The following SEMA6B variants were observed in gnomAD, a reference collection of about 807,000 sequenced individuals.
SEMA6B encodes semaphorin 6B.
Under a neutral mutation model 78.6 loss-of-function variants are expected in SEMA6B, and 47 were observed. The observed-to-expected ratio is 0.60, with a 90% CI of 0.47 to 0.76. The LOEUF is 0.76. SEMA6B is among the 30% of genes least tolerant of loss of function. The pLI, the probability that SEMA6B is intolerant of heterozygous loss-of-function variation, is 0.00. For missense variants in SEMA6B, 1,213 were observed against 1,269.9 expected, an observed-to-expected ratio of 0.96 and a Z score of 0.68; for synonymous variants, 632 against 592.2, an observed-to-expected ratio of 1.07 and a Z score of -0.98.
chr19:4,544,965 T>C lies in SEMA6B; in HGVS notation c.1739-436A>G, dbSNP rs1977128185. Among the ~76,000 whole-genome samples the C allele has an allele frequency of 6.6e-6, 1 of 151,858 alleles. No individual in the cohort carries two copies. The highest frequency in any genetic ancestry group is 2.1e-4 in the South Asian group (1 of 4,810). ...ATTATTTTTTAATTTTTTTTGTTTGTTTGTTTTGAGACAGTCCCCCAGGCT... is the reference window on the plus strand; with the variant it reads ...ATTATTTTTTAATTTTTTTTGTTTGCTTGTTTTGAGACAGTCCCCCAGGCT... On this transcript the variant is annotated intron_variant, in intron 16 of 16. Transcript: ENST00000586582. The surrounding 1 kb of genome is among the most constrained non-coding windows in gnomAD (Gnocchi z 5.1).
chr19:4,556,940 G>GGCCA lies in SEMA6B; in HGVS notation c.369+7_369+10dup, dbSNP rs1440300944. On this transcript the variant is annotated intron_variant, in intron 5 of 16. Coordinates refer to ENST00000586582, the MANE Select transcript of SEMA6B (RefSeq NM_032108.4). ...TTCGCAGGGGCCGGGACCGAGCCAG[G>GGCCA]GCCAACTCACCTCCTGTTTGCCCTT... 3 of 1,611,594 alleles carry GGCCA rather than the reference G, an allele frequency of 1.9e-6. No homozygotes were observed. The highest frequency in any genetic ancestry group is 2.5e-6 in the Non-Finnish European group (3 of 1,178,832).
At chr19:4,557,613 A>G (rs1033451131) in intron 3 of SEMA6B, among the ~76,000 whole-genome samples, 1 of 152,062 alleles carries the variant, frequency 6.6e-6, no homozygotes, top group African/African-American at 2.4e-5. Context: ...CATCCTCTCC[A>G]AAGCATTTGA....
Position 4,555,653 on chromosome 19 carries a change from C to T in SEMA6B, c.472-89G>A, listed in dbSNP as rs1273098551. The T allele has an allele frequency of 2.9e-6, 3 of 1,034,168 alleles. No homozygotes were observed. Among genetic ancestry groups the T allele is most frequent in the Non-Finnish European group, 4.4e-6 (3 of 687,438 alleles). The allele number at this position is 1,034,168 out of a possible 1,614,324, so 64.1% of individuals were successfully genotyped here. A position where few individuals can be genotyped will look rare whatever the true frequency, so the allele number is the denominator to read the frequency against. Reference sequence around the variant, plus strand: ...TCAGCCCCCCACTCCAGGGGGAATCCTGATCCACCACGGATTACTGTGTGA... The same window carrying T: ...TCAGCCCCCCACTCCAGGGGGAATCTTGATCCACCACGGATTACTGTGTGA... On this transcript the variant is annotated intron_variant, in intron 6 of 16. Transcript: ENST00000586582. This position sits in a 1 kb window ranked among gnomAD's most constrained non-coding sequence, Gnocchi z 6.1.
At position 4,558,092 on chromosome 19, in the gene SEMA6B, T is replaced by C; in HGVS notation, c.179A>G (p.Glu60Gly). ...GSGPGRLTPA[E>G]GADDLNIQRV... ...CTGGATGTTGAGGTCGTCAGCACCT[T>C]CTGCGGGGGTCAGGCGTCCGGGCCC... is the stretch of plus-strand genomic sequence containing the variant. The change falls in exon 3 of 17, where the codon GAA becomes GGA. Residue 60 changes from glutamate to glycine, a missense_variant. Physicochemically the swap from Glu to Gly is moderately conservative, Grantham distance 98 (BLOSUM62 -2). Coordinates refer to ENST00000586582, the MANE Select transcript of SEMA6B (RefSeq NM_032108.4). This position sits in a 1 kb window ranked among gnomAD's most constrained non-coding sequence, Gnocchi z 5.1. 6.5e-7 allele frequency: 1 copy of C among 1,533,348 alleles called. No individual in the cohort carries two copies. Among genetic ancestry groups the C allele is most frequent in the Non-Finnish European group, 8.8e-7 (1 of 1,132,768 alleles). 95.0% of individuals were successfully genotyped at this position (1,533,348 alleles called of 1,614,324 possible). A position where few individuals can be genotyped will look rare whatever the true frequency, so the allele number is the denominator to read the frequency against.
At chr19:4,545,108 C>G (rs893401256) in intron 16 of SEMA6B, among the ~76,000 whole-genome samples, 1 of 151,812 alleles carries the variant, frequency 6.6e-6, no homozygotes, top group African/African-American at 2.4e-5. Flanking sequence ...TTTTGTGAGG[C>G]TGAGGCAGGA....
chr19:4,555,530 C>T lies in SEMA6B; in HGVS notation c.506G>A (p.Ser169Asn). The T allele has an allele frequency of 1.2e-6, 2 of 1,613,790 alleles. No individual in the cohort carries two copies. Among genetic ancestry groups the T allele is most frequent in the Non-Finnish European group, 1.7e-6 (2 of 1,179,912 alleles). The change falls in exon 7 of 17, where the codon AGC becomes AAC. Residue 169 changes from serine to asparagine, a missense_variant. Ser to Asn is a conservative substitution (Grantham distance 46). Coordinates refer to ENST00000586582, the MANE Select transcript of SEMA6B (RefSeq NM_032108.4). This position sits in a 1 kb window ranked among gnomAD's most constrained non-coding sequence, Gnocchi z 6.1. ...DTLQPVGDNI[S>N]GMARCPYDPK... The stretch of plus-strand genomic sequence containing the variant: ...GTCGTACGGGCAGCGGGCCATACCG[C>T]TGATGTTGTCTCCGACGGGCTGCAG...
chr19:4,546,168 C>T (rs762654297), intron 16 of SEMA6B, 48 bp downstream of exon 16: 7 of 1,542,418 alleles, frequency 4.5e-6, no homozygotes, highest in Admixed American at 3.8e-5. Context: ...TCCCCTCCCC[C>T]ATGGTAGTGG....
At position 4,555,251 on chromosome 19, in the gene SEMA6B, C is replaced by G. The variant is rs976254630; in HGVS notation, c.563-156G>C. On this transcript the variant is annotated intron_variant, in intron 7 of 16. Coordinates refer to ENST00000586582, the MANE Select transcript of SEMA6B (RefSeq NM_032108.4). This position sits in a 1 kb window ranked among gnomAD's most constrained non-coding sequence, Gnocchi z 6.1. Reference sequence around the variant, plus strand: ...GATCCCATCCAAGCCCCACCTCCATCCAAGCCCTGACCTTAACTGAGCCCC... The same window carrying G: ...GATCCCATCCAAGCCCCACCTCCATGCAAGCCCTGACCTTAACTGAGCCCC... 1.3e-5 allele frequency among the ~76,000 whole-genome samples: 2 copies of G among 152,152 alleles called. No individual in the cohort carries two copies. Among genetic ancestry groups the G allele is most frequent in the Non-Finnish European group, 2.9e-5 (2 of 68,018 alleles).
intron 14 of SEMA6B, among the ~76,000 whole-genome samples, chr19:4,547,012 T>C (rs960702696): frequency 2.0e-5 from 3 of 151,784 alleles, no homozygotes; most frequent in African/African-American, 2.4e-5. Flanking sequence ...CAGGCTGGAG[T>C]ACAGTGTCAT....
In SEMA6B at chr19:4,544,507, G is replaced by A. The variant is rs755550248; in HGVS notation, c.1761C>T (p.Ser587=). The A allele has an allele frequency of 1.2e-5, 19 of 1,558,068 alleles. No homozygotes were observed. Among genetic ancestry groups the A allele is most frequent in the Non-Finnish European group, 1.4e-5 (16 of 1,151,216 alleles). ...DCTGLLRASL[S]EDRAGLVSVN... is the part of the protein sequence containing the mutation. ...CCGACACCAGCCCCGCGCGGTCCTC[G>A]GAGAGGCTGGCCCGCAGGAGTCCTG... Residue 587 remains serine (S), a synonymous_variant, in exon 17 of 17, where the codon TCC becomes TCT. Transcript: ENST00000586582. This position sits in a 1 kb window ranked among gnomAD's most constrained non-coding sequence, Gnocchi z 5.1.
chr19:4,547,608 C>A (rs1977203142), intron 14 of SEMA6B, among the ~76,000 whole-genome samples: 1 of 152,176 alleles, frequency 6.6e-6, no homozygotes, highest in East Asian at 1.9e-4. Context: ...GGTTCTCCTT[C>A]CCCTGCAGTC....
Position 4,552,814 on chromosome 19 carries a change from G to T in SEMA6B, c.772-175C>A, listed in dbSNP as rs957547596. Among the ~76,000 whole-genome samples, 1 of 152,172 alleles carries T rather than the reference G, an allele frequency of 6.6e-6. No homozygotes were observed. Among genetic ancestry groups the T allele is most frequent in the Non-Finnish European group, 1.5e-5 (1 of 68,034 alleles). The stretch of plus-strand genomic sequence containing the variant: ...ACCGGCTTCCCTGGCAGAAATTCCC[G>T]GTGGGAATGTCAATGATGATAATAG... On this transcript the variant is annotated intron_variant, in intron 9 of 16. Transcript: ENST00000586582. The surrounding 1 kb of genome is among the most constrained non-coding windows in gnomAD (Gnocchi z 7.4).
Position 4,558,247 on chromosome 19 carries a change from T to C in SEMA6B, c.121+90A>G. 1 of 1,306,758 alleles carries C rather than the reference T, an allele frequency of 7.7e-7. No homozygotes were observed. The highest frequency in any genetic ancestry group is 9.8e-7 in the Non-Finnish European group (1 of 1,017,180). 80.9% of individuals were successfully genotyped at this position (1,306,758 alleles called of 1,614,324 possible). A position where few individuals can be genotyped will look rare whatever the true frequency, so the allele number is the denominator to read the frequency against. On this transcript the variant is annotated intron_variant, in intron 2 of 16. Transcript: ENST00000586582. This position sits in a 1 kb window ranked among gnomAD's most constrained non-coding sequence, Gnocchi z 5.1. The stretch of plus-strand genomic sequence containing the variant: ...TTCTAGGGGTGGCTCCTGGACTGCT[T>C]GAGTCCCCCAGTGGGGGCAGCAGAC...
chr19:4,543,388 C>T lies in SEMA6B; in HGVS notation c.*213G>A, dbSNP rs1164001531. On this transcript the variant is annotated 3_prime_UTR_variant, in exon 17 of 17. Coordinates refer to ENST00000586582, the MANE Select transcript of SEMA6B (RefSeq NM_032108.4). ...TAGCAAAGTCCTCCCGCCCACCCAC[C>T]CCCAAACCGTCTCAGCGTCCTGCGG... 3 of 403,622 alleles carry T rather than the reference C, an allele frequency of 7.4e-6. No individual in the cohort carries two copies. In the Admixed American group the frequency reaches 1.3e-4, roughly 17 times the overall value. 25.0% of individuals were successfully genotyped at this position (403,622 alleles called of 1,614,324 possible).
chr19:4,556,859 C>A (rs1203815946), intron 5 of SEMA6B, 92 bp downstream of exon 5: 3 of 858,222 alleles, frequency 3.5e-6, no homozygotes, highest in Non-Finnish European at 3.1e-6. Context: ...CCAGGGCTGG[C>A]GGGGTGGGCG....
chr19:4,556,647 G>T (rs1977477773), intron 5 of SEMA6B, among the ~76,000 whole-genome samples: 1 of 152,038 alleles, frequency 6.6e-6, no homozygotes, highest in Non-Finnish European at 1.5e-5. Context: ...GAGGCTGGGG[G>T]TGGTGGTAGG....
intron 10 of SEMA6B, among the ~76,000 whole-genome samples, chr19:4,551,259 G>A (rs1012945544): frequency 2.8e-5 from 4 of 145,202 alleles, no homozygotes; most frequent in African/African-American, 5.2e-5. Context: ...TTGCTCTGTC[G>A]CCCAGGCTGG....
Position 4,558,491 on chromosome 19 carries a change from T to C in SEMA6B, c.-32-2A>G, listed in dbSNP as rs949224918. 10 of 1,236,304 alleles carry C rather than the reference T, an allele frequency of 8.1e-6. No individual in the cohort carries two copies. The highest frequency in any genetic ancestry group is 1.0e-5 in the Non-Finnish European group (10 of 988,072). The allele number at this position is 1,236,304 out of a possible 1,614,324, so 76.6% of individuals were successfully genotyped here. On this transcript the variant is annotated splice_acceptor_variant, in intron 1 of 16. Transcript: ENST00000586582. LOFTEE classifies it low-confidence loss of function (5UTR_SPLICE). The surrounding 1 kb of genome is among the most constrained non-coding windows in gnomAD (Gnocchi z 5.1). ...CCAGGCGACAGGAGGAGGTGACGCC[T>C]GCGGGCAAGGGGCGGCGAGGTGAGC...
At position 4,550,943 on chromosome 19, in the gene SEMA6B, G is replaced by T; in HGVS notation, c.990-13C>A. 6.2e-7 allele frequency: 1 copy of T among 1,613,344 alleles called. No individual in the cohort carries two copies. Among genetic ancestry groups the T allele is most frequent in the South Asian group, 1.1e-5 (1 of 91,072 alleles). On this transcript the variant is annotated splice_polypyrimidine_tract_variant and intron_variant, in intron 10 of 16. Transcript: ENST00000586582. This position sits in a 1 kb window ranked among gnomAD's most constrained non-coding sequence, Gnocchi z 6.6. ...CGAGCCAGGGATGCTGAGGGGTTGGGATGAAAGAGTTTGGTGAGCCCGGTG... is the reference window on the plus strand; with the variant it reads ...CGAGCCAGGGATGCTGAGGGGTTGGTATGAAAGAGTTTGGTGAGCCCGGTG...
Sources: gnomAD v4.1 joint callset for allele counts (sites outside exome capture counted in the v4.1 genomes callset) on GRCh38, gnomAD v4.1.1 for gene constraint, Gnocchi (gnomAD v3.1) non-coding constraint, MANE v1.5 for transcripts, NCBI Gene and HGNC (gene_info 2026-07-23, HGNC 2026-07-21) for gene names.